GABRB3: variants seen among roughly 807,000 people sequenced by gnomAD.
GABRB3 encodes gamma-aminobutyric acid type A receptor subunit beta3.
In GABRB3, 14 loss-of-function variants were observed where a neutral mutation model predicts 52.1. The observed-to-expected ratio is 0.27, with a 90% confidence interval of 0.18 to 0.42. GABRB3 has a LOEUF of 0.42. Ranked by LOEUF, GABRB3 falls within the 10% of genes least tolerant of loss-of-function variation. The pLI is 1.00. For missense variants in GABRB3, 307 were observed against 609.1 expected, an observed-to-expected ratio of 0.50 and a Z score of 5.22; for synonymous variants, 260 against 232.3, an observed-to-expected ratio of 1.12 and a Z score of -1.08.
Position 26,561,100 on chromosome 15 carries a change from T to C in GABRB3, c.912A>G (p.Lys304=). The C allele has an allele frequency of 6.2e-7, 1 of 1,614,164 alleles. No homozygotes were observed. The highest frequency in any genetic ancestry group is 8.5e-7 in the Non-Finnish European group (1 of 1,180,026). Residue 304 remains lysine, a synonymous_variant, in exon 8 of 9, where the codon AAA becomes AAG. Transcript: ENST00000311550. The part of the protein sequence containing the change: ...RETLPKIPYV[K]AIDMYLMGCF... ...AGCCCATAAGGTACATGTCAATGGC[T>C]TTGACATAGGGGATTTTGGGCAAGG...
intron 3 of GABRB3, among the ~76,000 whole-genome samples, chr15:26,757,505 G>A (rs1035295930): frequency 1.3e-5 from 2 of 152,150 alleles, no homozygotes; most frequent in Non-Finnish European, 2.9e-5. Flanking sequence ...TAAAAAAGTG[G>A]AAAATCCCAA....
At chr15:26,580,490 C>T (rs1234498567) in intron 5 of GABRB3, 34 bp from the exon 6 acceptor site, 21 of 1,613,862 alleles carry the variant, frequency 1.3e-5, no homozygotes, top group Non-Finnish European at 1.8e-5. Flanking sequence ...CAGCAAACAT[C>T]ACCATTTCGT....
chr15:26,759,532 T>C (rs1890755831), intron 3 of GABRB3, among the ~76,000 whole-genome samples: 1 of 152,226 alleles, frequency 6.6e-6, no homozygotes. Flanking sequence ...GTGCTGGGAT[T>C]ACAGGCATGA....
intron 3 of GABRB3, among the ~76,000 whole-genome samples, chr15:26,770,535 G>A (rs1350147016): frequency 6.6e-6 from 1 of 152,168 alleles, no homozygotes; most frequent in Non-Finnish European, 1.5e-5. Context: ...CATGATGCCA[G>A]AACAACTGGA....
chr15:26,624,422 A>G (rs1381461596), intron 3 of GABRB3: 1 of 985,336 alleles, frequency 1.0e-6, no homozygotes, highest in East Asian at 1.1e-4. Context: ...CCCTTCTCAG[A>G]GTCCCTCCGG....
chr15:26,643,630 G>C (rs1595504917), intron 3 of GABRB3, among the ~76,000 whole-genome samples: 1 of 151,766 alleles, frequency 6.6e-6, no homozygotes, highest in South Asian at 2.1e-4. Flanking sequence ...CACTGTGTGT[G>C]TGTGTGTGTG....
chr15:26,654,304 C>A (rs1887294741), intron 3 of GABRB3, among the ~76,000 whole-genome samples: 1 of 152,180 alleles, frequency 6.6e-6, no homozygotes, highest in Non-Finnish European at 1.5e-5. Flanking sequence ...CGCCACCATG[C>A]CTGGCTAATT....
At chr15:26,637,520 G>A (rs555067729) in intron 3 of GABRB3, among the ~76,000 whole-genome samples, 1 of 152,248 alleles carries the variant, frequency 6.6e-6, no homozygotes, top group South Asian at 2.1e-4. Context: ...GCACAAATTA[G>A]GCATTGCATA....
chr15:26,678,440 C>T (rs1207292160), intron 3 of GABRB3, among the ~76,000 whole-genome samples: 1 of 152,172 alleles, frequency 6.6e-6, no homozygotes, highest in East Asian at 1.9e-4. Context: ...CAACAGCCTG[C>T]CCAGGCCCCG....
intron 8 of GABRB3, among the ~76,000 whole-genome samples, chr15:26,548,916 C>T (rs1889358753): frequency 6.6e-6 from 1 of 152,168 alleles, no homozygotes; most frequent in Non-Finnish European, 1.5e-5. Context: ...AGAGTCCTTT[C>T]TTAAATGAAC....
chr15:26,606,804 CTATA>C (rs1379933030), intron 4 of GABRB3, among the ~76,000 whole-genome samples: 1 of 42,768 alleles, frequency 2.3e-5, no homozygotes, highest in African/African-American at 7.8e-5. Flanking sequence ...ATAGATATAT[CTATA>C]GATAGATAGA....
intron 3 of GABRB3, among the ~76,000 whole-genome samples, chr15:26,662,723 G>A (rs1296245876): frequency 2.0e-5 from 3 of 152,126 alleles, no homozygotes; most frequent in Admixed American, 6.6e-5. Context: ...TTTCAGGGCA[G>A]TGTCATTACA....
intron 3 of GABRB3, among the ~76,000 whole-genome samples, chr15:26,735,076 A>G (rs1890031424): frequency 6.6e-6 from 1 of 152,232 alleles, no homozygotes; most frequent in South Asian, 2.1e-4. Flanking sequence ...AAAATGAACA[A>G]CAGACATAAA....
intron 4 of GABRB3, among the ~76,000 whole-genome samples, chr15:26,606,820 A>ATATTGATAGATATATC (rs374134626): frequency 1.2e-4 from 2 of 16,152 alleles, no homozygotes; most frequent in Non-Finnish European, 4.6e-4. Flanking sequence ...ATAGATAGAT[A>ATATTGATAGATATATC]GATAGATAGA....
intron 3 of GABRB3, chr15:26,716,906 CCA>C (rs1889492437): frequency 1.3e-6 from 1 of 783,046 alleles, no homozygotes; most frequent in African/African-American, 2.6e-5. Flanking sequence ...CTCCACCCAA[CCA>C]CAGCCTAGCT....
At chr15:26,757,637 A>C (rs185693164) in intron 3 of GABRB3, among the ~76,000 whole-genome samples, 111 of 152,350 alleles carry the variant, frequency 7.3e-4, no homozygotes, top group East Asian at 3.9e-4. Context: ...ACAAGAATAC[A>C]CTAATCAACA....
At position 26,567,576 on chromosome 15, in the gene GABRB3, C is replaced by A. The variant is rs374357218; in HGVS notation, c.835+5G>T. 15 of 1,613,136 alleles carry A rather than the reference C, an allele frequency of 9.3e-6. No individual in the cohort carries two copies. The South Asian group carries it at 1.5e-4, about 17-fold the overall frequency. On this transcript the variant is annotated splice_donor_5th_base_variant and intron_variant, in intron 7 of 8. Transcript: ENST00000311550. ...ATTTAAATATCACTTAAAAATAGCACATACCGAGGGCAACTCTAGCAGCAG... is the reference window on the plus strand; with the variant it reads ...ATTTAAATATCACTTAAAAATAGCAAATACCGAGGGCAACTCTAGCAGCAG...
intron 3 of GABRB3, among the ~76,000 whole-genome samples, chr15:26,660,869 C>T (rs537234308): frequency 1.3e-5 from 2 of 152,146 alleles, no homozygotes; most frequent in South Asian, 2.1e-4. Context: ...GACAGGGTCT[C>T]GCTCTGTCGC....
intron 3 of GABRB3, among the ~76,000 whole-genome samples, chr15:26,654,270 C>G (rs891136201): frequency 6.6e-6 from 1 of 152,134 alleles, no homozygotes; most frequent in South Asian, 2.1e-4. Flanking sequence ...CTCAGCCTCC[C>G]GAGTAGCTGG....
Sources: gnomAD v4.1 joint callset for allele counts (sites outside exome capture counted in the v4.1 genomes callset) on GRCh38, gnomAD v4.1.1 for gene constraint, MANE v1.5 for transcripts, NCBI Gene and HGNC (gene_info 2026-07-23, HGNC 2026-07-21) for gene names.